The following STXBP5 variants were observed in gnomAD, a reference collection of about 807,000 sequenced individuals.
STXBP5 encodes syntaxin-binding protein 5.
A neutral mutation model predicts 152.4 loss-of-function variants in STXBP5; 50 were observed. That is an observed-to-expected ratio of 0.33 (90% CI 0.26 to 0.42). STXBP5 has a LOEUF of 0.42. Among genes scored for constraint, STXBP5 ranks in the 10% least tolerant of loss-of-function variants. STXBP5 has a pLI of 1.00. For synonymous variants in STXBP5, 492 were observed against 494.7 expected (o/e 0.99, Z 0.07); for missense variants, 1,167 against 1,388.6 (o/e 0.84, Z 2.54).
chr6:147,287,012 A>AT (rs142402780), intron 8 of STXBP5, among the ~76,000 whole-genome samples: 1 of 150,136 alleles, frequency 6.7e-6, no homozygotes, highest in African/African-American at 2.5e-5. Flanking sequence ...CATCTTTAAA[A>AT]TTTTTTAAAA....
At chr6:147,212,251 T>A (rs1776894939) in intron 2 of STXBP5, among the ~76,000 whole-genome samples, 1 of 152,232 alleles carries the variant, frequency 6.6e-6, no homozygotes, top group South Asian at 2.1e-4. Flanking sequence ...TGTTAACTAT[T>A]GGAGATTCAA....
intron 7 of STXBP5, among the ~76,000 whole-genome samples, chr6:147,275,847 G>A (rs956252607): frequency 3.3e-5 from 5 of 152,050 alleles, no homozygotes; most frequent in Admixed American, 6.5e-5. Context: ...CTGAGCCACC[G>A]TGCCTGGCCA....
chr6:147,351,261 G>A (rs1376583002), intron 21 of STXBP5, among the ~76,000 whole-genome samples: 1 of 152,192 alleles, frequency 6.6e-6, no homozygotes, highest in Non-Finnish European at 1.5e-5. Flanking sequence ...TGTGACTGGT[G>A]TGCACATTCA....
chr6:147,360,761 G>A (rs1294764105), intron 23 of STXBP5, among the ~76,000 whole-genome samples: 1 of 152,070 alleles, frequency 6.6e-6, no homozygotes, highest in East Asian at 1.9e-4. Flanking sequence ...AATGAGATTG[G>A]ATTTTGTCAA....
intron 26 of STXBP5, among the ~76,000 whole-genome samples, chr6:147,375,704 A>T (rs886382736): frequency 6.6e-6 from 1 of 151,548 alleles, no homozygotes; most frequent in Non-Finnish European, 1.5e-5. Context: ...TGAGAAGCCT[A>T]ATTAATTCCA....
chr6:147,337,192 G>GACACACACACAC (rs61074711), intron 19 of STXBP5, among the ~76,000 whole-genome samples: 944 of 53,944 alleles, frequency 0.017, 15 homozygotes, highest in African/African-American at 0.043. Flanking sequence ...CACATACATA[G>GACACACACACAC]ACACACACAC....
At chr6:147,208,071 C>T (rs1333355091) in intron 2 of STXBP5, among the ~76,000 whole-genome samples, 1 of 152,090 alleles carries the variant, frequency 6.6e-6, no homozygotes, top group Non-Finnish European at 1.5e-5. Context: ...TTTTGGTGTA[C>T]TTTCTATAGT....
chr6:147,230,985 C>T (rs1055546237), intron 2 of STXBP5, among the ~76,000 whole-genome samples: 1 of 151,590 alleles, frequency 6.6e-6, no homozygotes, highest in African/African-American at 2.4e-5. Flanking sequence ...ACTTAAAGGC[C>T]TCCCAATTCT....
chr6:147,335,721 A>AC (rs1562253612), intron 19 of STXBP5, among the ~76,000 whole-genome samples: 1 of 151,776 alleles, frequency 6.6e-6, no homozygotes, highest in Non-Finnish European at 1.5e-5. Context: ...AATGGCGTGA[A>AC]CCCCAGGGGG....
chr6:147,281,578 A>G (rs1386804981), intron 8 of STXBP5, among the ~76,000 whole-genome samples: 1 of 152,180 alleles, frequency 6.6e-6, no homozygotes, highest in Non-Finnish European at 1.5e-5. Context: ...TAGTTTAAAT[A>G]TACTAGCCTT....
In STXBP5 at chr6:147,252,471, A is replaced by G. The variant is rs371302345; in HGVS notation, c.432-8144A>G. The stretch of plus-strand genomic sequence containing the variant: ...TAGCCAAATTGATCAAGCAGAAGAA[A>G]GGATATCAGGGATTGAAGATCAACT... On this transcript the variant is annotated intron_variant, in intron 4 of 27. Transcript: ENST00000321680. 2.7e-4 allele frequency among the ~76,000 whole-genome samples: 41 copies of G among 152,126 alleles called. No homozygotes were observed. In the East Asian group the frequency reaches 3.7e-3, roughly 14 times the overall value.
chr6:147,250,393 A>G (rs1779023017), intron 4 of STXBP5, among the ~76,000 whole-genome samples: 1 of 152,226 alleles, frequency 6.6e-6, no homozygotes, highest in African/African-American at 2.4e-5. Flanking sequence ...ATGGCTTGAA[A>G]ATATTTGGGG....
At chr6:147,236,917 G>T (rs1307220127) in intron 3 of STXBP5, among the ~76,000 whole-genome samples, 1 of 151,556 alleles carries the variant, frequency 6.6e-6, no homozygotes, top group Non-Finnish European at 1.5e-5. Context: ...TAGCTGGGAC[G>T]ACAGGTGCTT....
chr6:147,261,937 A>G (rs574341357), intron 5 of STXBP5, among the ~76,000 whole-genome samples: 1 of 152,040 alleles, frequency 6.6e-6, no homozygotes. Flanking sequence ...ATTGGAGGCT[A>G]GAATTCAGTA....
intron 21 of STXBP5, among the ~76,000 whole-genome samples, chr6:147,350,958 C>T (rs913970802): frequency 1.3e-5 from 2 of 152,086 alleles, no homozygotes; most frequent in Non-Finnish European, 2.9e-5. Context: ...TGGGTTTGAA[C>T]CTAGGTTTCA....
At chr6:147,341,652 C>G (rs745352246) in intron 21 of STXBP5, among the ~76,000 whole-genome samples, 15 of 151,868 alleles carry the variant, frequency 9.9e-5, no homozygotes, top group Non-Finnish European at 1.6e-4. Flanking sequence ...GTAACTGCTG[C>G]TGGTGTCAGT....
intron 4 of STXBP5, among the ~76,000 whole-genome samples, chr6:147,245,288 C>T: frequency 6.6e-6 from 1 of 151,920 alleles, no homozygotes; most frequent in Non-Finnish European, 1.5e-5. Flanking sequence ...CTAAAACCAA[C>T]CAGGATGCAA....
chr6:147,325,323 A>G (rs1028445127), intron 17 of STXBP5, among the ~76,000 whole-genome samples: 8 of 152,156 alleles, frequency 5.3e-5, no homozygotes, highest in African/African-American at 9.7e-5. Flanking sequence ...CCAATAAATT[A>G]TTTGTGATGA....
chr6:147,327,111 T>A lies in STXBP5; in HGVS notation c.1929-14T>A. 1 of 1,606,138 alleles carries A rather than the reference T, an allele frequency of 6.2e-7. No homozygotes were observed. ...TTGTTTGTGCTAAAATGTTTGTTATTTTCCTATTCCCAGGGTGGTTTTTGG... is the reference window on the plus strand; with the variant it reads ...TTGTTTGTGCTAAAATGTTTGTTATATTCCTATTCCCAGGGTGGTTTTTGG... On this transcript the variant is annotated splice_polypyrimidine_tract_variant and intron_variant, in intron 17 of 27. Coordinates refer to ENST00000321680, the MANE Select transcript of STXBP5 (RefSeq NM_001127715.4).
Sources: allele counts gnomAD v4.1 joint callset (sites outside exome capture counted in the v4.1 genomes callset), GRCh38; gene constraint gnomAD v4.1.1; transcripts MANE v1.5; gene names NCBI Gene and HGNC (gene_info 2026-07-23, HGNC 2026-07-21).